The following PRKG1 variants were observed in gnomAD, a reference collection of about 807,000 sequenced individuals.
The protein encoded by PRKG1 is cGMP-dependent protein kinase 1.
A neutral mutation model predicts 88.1 loss-of-function variants in PRKG1; 35 were observed. The observed-to-expected ratio is 0.40, with a 90% CI of 0.30 to 0.53. The LOEUF (loss-of-function observed/expected upper bound fraction) is 0.53. Among genes scored for constraint, PRKG1 ranks in the 20% least tolerant of loss-of-function variants. The pLI is 0.59. For missense variants in PRKG1, 540 were observed against 839.8 expected, an observed-to-expected ratio of 0.64 and a Z score of 4.41; for synonymous variants, 303 against 292.5, an observed-to-expected ratio of 1.04 and a Z score of -0.37.
At chr10:51,567,007 T>C (rs1243810593) in intron 3 of PRKG1, among the ~76,000 whole-genome samples, 1 of 152,168 alleles carries the variant, frequency 6.6e-6, no homozygotes, top group South Asian at 2.1e-4. Context: ...TTAGTTTAAT[T>C]GTGATTACTT....
intron 2 of PRKG1, among the ~76,000 whole-genome samples, chr10:51,301,379 A>G (rs908710327): frequency 6.6e-6 from 1 of 152,144 alleles, no homozygotes; most frequent in Admixed American, 6.5e-5. Flanking sequence ...AAAAATGCCT[A>G]AAAGAAAGGT....
chr10:51,261,579 T>A (rs562456407), intron 2 of PRKG1, among the ~76,000 whole-genome samples: 181 of 152,348 alleles, frequency 1.2e-3, no homozygotes, highest in African/African-American at 3.9e-3. Flanking sequence ...TTATCCCATT[T>A]ATGCCAGGTA....
intron 3 of PRKG1, among the ~76,000 whole-genome samples, chr10:51,608,190 C>T (rs77580631): frequency 3.3e-5 from 5 of 151,470 alleles, no homozygotes; most frequent in East Asian, 1.9e-4. Context: ...ATACTATAAC[C>T]GTAATAGGTT....
intron 4 of PRKG1, among the ~76,000 whole-genome samples, chr10:51,904,360 A>G (rs963683417): frequency 6.6e-6 from 1 of 152,064 alleles, no homozygotes; most frequent in African/African-American, 2.4e-5. Context: ...GAATTATTTT[A>G]TATATAATTT....
At chr10:51,197,983 A>G (rs1837814874) in intron 2 of PRKG1, among the ~76,000 whole-genome samples, 2 of 152,098 alleles carry the variant, frequency 1.3e-5, no homozygotes, top group East Asian at 2.0e-4. Flanking sequence ...ATCCTCTCAA[A>G]TCTGTGGTGA....
intron 3 of PRKG1, among the ~76,000 whole-genome samples, chr10:51,661,248 C>T (rs919113907): frequency 6.6e-6 from 1 of 152,088 alleles, no homozygotes; most frequent in African/African-American, 2.4e-5. Context: ...ACAGTTATTT[C>T]CCCTACTTAC....
rs568861529 is a variant in PRKG1 at position 51,982,256 on chromosome 10, G to T, written c.763-72228G>T. Among the ~76,000 whole-genome samples the T allele has an allele frequency of 1.9e-3, 289 of 152,212 alleles. 1 individual carries two copies. Among genetic ancestry groups the T allele is most frequent in the Non-Finnish European group, 1.9e-3 (131 of 68,010 alleles). ...TATCTTCCTTGGATTGAGTTTCAGT[G>T]TATTCCTGCATCTCAATGATGTTCA... On this transcript the variant is annotated intron_variant, in intron 5 of 17. Transcript: ENST00000373980.
At chr10:51,560,095 T>G (rs10998113) in intron 3 of PRKG1, among the ~76,000 whole-genome samples, 48,888 of 152,064 alleles carry the variant, frequency 0.32, 9,076 homozygotes, top group Non-Finnish European at 0.43. Flanking sequence ...AGCTTTTTAA[T>G]CTCCCAGAGC....
At chr10:51,848,877 T>G (rs1840474755) in intron 4 of PRKG1, among the ~76,000 whole-genome samples, 1 of 151,742 alleles carries the variant, frequency 6.6e-6, no homozygotes, top group African/African-American at 2.4e-5. Flanking sequence ...TAACACTTTC[T>G]GTTTCTCTGA....
intron 4 of PRKG1, among the ~76,000 whole-genome samples, chr10:51,899,435 A>G (rs896485187): frequency 6.6e-6 from 1 of 151,638 alleles, no homozygotes; most frequent in Non-Finnish European, 1.5e-5. Context: ...AAGACCGAGT[A>G]GGGTGGATCA....
intron 3 of PRKG1, among the ~76,000 whole-genome samples, chr10:51,640,264 T>C (rs1277866379): frequency 1.3e-5 from 2 of 152,194 alleles, no homozygotes; most frequent in Admixed American, 1.3e-4. Flanking sequence ...CAGGAGTACC[T>C]AGAACATAAA....
At chr10:51,407,507 A>G (rs555195330) in intron 2 of PRKG1, among the ~76,000 whole-genome samples, 4 of 152,360 alleles carry the variant, frequency 2.6e-5, no homozygotes, top group African/African-American at 9.6e-5. Context: ...ACATGTTTTT[A>G]ACAAAAGGAG....
intron 5 of PRKG1, among the ~76,000 whole-genome samples, chr10:52,032,785 A>C (rs1845502933): frequency 6.6e-6 from 1 of 152,176 alleles, no homozygotes; most frequent in Non-Finnish European, 1.5e-5. Flanking sequence ...CGTTCTAAAA[A>C]TCTGTGATCA....
chr10:52,180,726 G>A (rs1387363962), intron 9 of PRKG1, among the ~76,000 whole-genome samples: 4 of 152,130 alleles, frequency 2.6e-5, no homozygotes, highest in East Asian at 1.9e-4. Context: ...GCCAGACATC[G>A]GCTTGTCAGG....
intron 2 of PRKG1, among the ~76,000 whole-genome samples, chr10:51,424,214 C>T (rs984536223): frequency 1.5e-4 from 23 of 152,136 alleles, no homozygotes; most frequent in African/African-American, 5.5e-4. Context: ...ATCTTTAAAC[C>T]AGAGTTGAGT....
At chr10:51,282,272 T>G (rs1564427807) in intron 2 of PRKG1, among the ~76,000 whole-genome samples, 1 of 152,188 alleles carries the variant, frequency 6.6e-6, no homozygotes, top group African/African-American at 2.4e-5. Flanking sequence ...AGACAGAATT[T>G]TGTCCCATTG....
chr10:51,113,746 A>AAC (rs1554837276), intron 1 of PRKG1, among the ~76,000 whole-genome samples: 3,432 of 143,338 alleles, frequency 0.024, 78 homozygotes, highest in Middle Eastern at 0.04. Context: ...AAAAAAAAAA[A>AAC]AAACTAAAAG....
chr10:52,070,510 T>C (rs538858881), intron 7 of PRKG1, among the ~76,000 whole-genome samples: 78 of 152,366 alleles, frequency 5.1e-4, no homozygotes, highest in African/African-American at 1.8e-3. Flanking sequence ...CATCTCCTTT[T>C]GAGAATGCAG....
In PRKG1 at chr10:51,074,548, G is replaced by C. The variant is rs778125438; in HGVS notation, c.-43G>C. 5.7e-6 allele frequency: 9 copies of C among 1,581,012 alleles called. No individual in the cohort carries two copies. Among genetic ancestry groups the C allele is most frequent in the Middle Eastern group, 4.2e-4 (2 of 4,770 alleles). On this transcript the variant is annotated 5_prime_UTR_variant, in exon 1 of 18. Coordinates refer to ENST00000373980, the MANE Select transcript of PRKG1 (RefSeq NM_006258.4). ...CGGAGAGGGGAGGAAGCCTCAAGAC[G>C]CGGAGCAGCGGCAGGAAGGAGCCCC...
Sources: gnomAD v4.1 joint callset for allele counts (sites outside exome capture counted in the v4.1 genomes callset) on GRCh38, gnomAD v4.1.1 for gene constraint, MANE v1.5 for transcripts, NCBI Gene and HGNC (gene_info 2026-07-23, HGNC 2026-07-21) for gene names.